Variants in LRRC4B observed in about 807,000 individuals in gnomAD.
LRRC4B encodes leucine-rich repeat-containing protein 4B.
Under a neutral mutation model 7.3 loss-of-function variants are expected in LRRC4B, and 1 was observed. That is an observed-to-expected ratio of 0.14 (90% CI 0.05 to 0.65). The LOEUF (loss-of-function observed/expected upper bound fraction) is 0.65. LRRC4B is among the 30% of genes least tolerant of loss of function. LRRC4B has a pLI of 0.84. For synonymous variants in LRRC4B, 500 were observed against 499.2 expected, an observed-to-expected ratio of 1.00 and a Z score of -0.02; for missense variants, 730 against 1,041.6, an observed-to-expected ratio of 0.70 and a Z score of 4.12.
chr19:50,519,053 C>A lies in LRRC4B; in HGVS notation c.660G>T (p.Lys220Asn). The A allele has an allele frequency of 6.2e-7, 1 of 1,609,850 alleles. No homozygotes were observed. The highest frequency in any genetic ancestry group is 8.5e-7 in the Non-Finnish European group (1 of 1,179,888). The change falls in exon 3 of 3, where the codon AAG (lysine) becomes AAT (asparagine). Residue 220 changes from lysine (K) to asparagine (N), a missense_variant. By Grantham distance (94) the Lys-to-Asn change is moderately conservative (BLOSUM62 0). Coordinates refer to ENST00000652263, the MANE Select transcript of LRRC4B (RefSeq NM_001080457.2). This position sits in a 1 kb window ranked among gnomAD's most constrained non-coding sequence, Gnocchi z 8.1. ...CCAGGGCCGTCAGGTTGGGGATGTC[C>A]TTGAGGTTGCACATGCCCAGGTTGA... ...RYLNLGMCNL[K>N]DIPNLTALVR...
In LRRC4B at chr19:50,555,503, G is replaced by T; in HGVS notation, c.-35-6630C>A. ...AGGGAGACAGACACAGGCATACAAAGGGGCATGAAAGGGGCAGGAGGACAG... is the reference window on the plus strand; with the variant it reads ...AGGGAGACAGACACAGGCATACAAATGGGCATGAAAGGGGCAGGAGGACAG... On this transcript the variant is annotated intron_variant, in intron 1 of 2. Coordinates refer to ENST00000652263, the MANE Select transcript of LRRC4B (RefSeq NM_001080457.2). The surrounding 1 kb of genome is among the most constrained non-coding windows in gnomAD (Gnocchi z 5.2). The T allele has an allele frequency of 6.5e-6, 1 of 153,148 alleles. No individual in the cohort carries two copies. The allele number at this position is 153,148 out of a possible 1,614,324, so 9.5% of individuals were successfully genotyped here.
At chr19:50,549,805 A>G (rs1981976133) in intron 1 of LRRC4B, among the ~76,000 whole-genome samples, 1 of 152,048 alleles carries the variant, frequency 6.6e-6, no homozygotes, top group Non-Finnish European at 1.5e-5. Flanking sequence ...CCAGGCAGAG[A>G]CAGCCCCGAT....
intron 2 of LRRC4B, among the ~76,000 whole-genome samples, chr19:50,523,219 A>G (rs148848766): frequency 6.6e-6 from 1 of 152,354 alleles, no homozygotes; most frequent in East Asian, 1.9e-4. Context: ...ATTGGATCAT[A>G]TCTGCAAAGC....
At chr19:50,523,834 C>T (rs980915623) in intron 2 of LRRC4B, among the ~76,000 whole-genome samples, 6 of 150,634 alleles carry the variant, frequency 4.0e-5, no homozygotes, top group Admixed American at 4.0e-4. Flanking sequence ...TGGCAGGTGC[C>T]TGTAATCCCA....
At chr19:50,521,975 AG>A (rs1017779959) in intron 2 of LRRC4B, among the ~76,000 whole-genome samples, 4 of 152,118 alleles carry the variant, frequency 2.6e-5, no homozygotes, top group Non-Finnish European at 5.9e-5. Context: ...CGGGAATTGA[AG>A]ACAATCCTGG....
At chr19:50,544,438 C>T (rs920689802) in intron 2 of LRRC4B, among the ~76,000 whole-genome samples, 2 of 151,042 alleles carry the variant, frequency 1.3e-5, no homozygotes, top group East Asian at 1.9e-4. Context: ...ACCCGGGAGG[C>T]GGAGCTTGCA....
rs568388324 is a variant in LRRC4B, at chr19:50,563,210, C to A, written c.-36+4734G>T. Reference sequence around the variant, plus strand: ...TGGGTCTCCAAGGCAGCCCCTCCACCTCTGCCTGCCATGACAACAGTTGCG... The same window carrying A: ...TGGGTCTCCAAGGCAGCCCCTCCACATCTGCCTGCCATGACAACAGTTGCG... On this transcript the variant is annotated intron_variant, in intron 1 of 2. Transcript: ENST00000652263. This position sits in a 1 kb window ranked among gnomAD's most constrained non-coding sequence, Gnocchi z 4.9. Among the ~76,000 whole-genome samples, 1 of 152,280 alleles carries A rather than the reference C, an allele frequency of 6.6e-6. No individual in the cohort carries two copies. The highest frequency in any genetic ancestry group is 2.4e-5 in the African/African-American group (1 of 41,552).
At chr19:50,559,582 G>C (rs892450600) in intron 1 of LRRC4B, among the ~76,000 whole-genome samples, 18 of 152,240 alleles carry the variant, frequency 1.2e-4, no homozygotes, top group Non-Finnish European at 2.9e-5. Context: ...AACAGTATTT[G>C]TTGCCAAGGC....
At chr19:50,528,809 G>A (rs1287818906) in intron 2 of LRRC4B, among the ~76,000 whole-genome samples, 3 of 152,220 alleles carry the variant, frequency 2.0e-5, no homozygotes, top group Non-Finnish European at 4.4e-5. Context: ...ACAGCCTGAG[G>A]ATGGGCTCGG....
At position 50,519,220 on chromosome 19, in the gene LRRC4B, G is replaced by T; in HGVS notation, c.493C>A (p.Leu165Met). The part of the protein sequence containing the change: ...EYLSKLRELW[L>M]RNNPIESIPS... Reference sequence around the variant, plus strand: ...ATGCTCTCGATGGGGTTGTTCCGCAGCCAGAGCTCCCGCAGCTTGGACAGG... The same window carrying T: ...ATGCTCTCGATGGGGTTGTTCCGCATCCAGAGCTCCCGCAGCTTGGACAGG... Residue 165 changes from leucine to methionine, a missense_variant, in exon 3 of 3, where the codon CTG (leucine) becomes ATG (methionine). By Grantham distance (15) the Leu-to-Met change is conservative (BLOSUM62 2). Coordinates refer to ENST00000652263, the MANE Select transcript of LRRC4B (RefSeq NM_001080457.2). This position sits in a 1 kb window ranked among gnomAD's most constrained non-coding sequence, Gnocchi z 8.1. The T allele has an allele frequency of 6.2e-7, 1 of 1,614,118 alleles. No homozygotes were observed. Among genetic ancestry groups the T allele is most frequent in the Non-Finnish European group, 8.5e-7 (1 of 1,180,044 alleles).
chr19:50,541,382 A>AG (rs901106047), intron 2 of LRRC4B, among the ~76,000 whole-genome samples: 2 of 147,814 alleles, frequency 1.4e-5, no homozygotes, highest in African/African-American at 2.5e-5. Flanking sequence ...AAAAAAAAAA[A>AG]AAGAAAAAGA....
In LRRC4B at chr19:50,558,224, CACAT is replaced by C. The variant is rs751979812; in HGVS notation, c.-35-9355_-35-9352del. ...ATACACACACACACACACACACACA[CACAT>C]ACACACACACATACATACATACACA... is the stretch of plus-strand genomic sequence containing the variant. On this transcript the variant is annotated intron_variant, in intron 1 of 2. Transcript: ENST00000652263. Among the ~76,000 whole-genome samples the C allele has an allele frequency of 7.8e-3, 1,153 of 147,842 alleles. 4 individuals are homozygous for C. Among genetic ancestry groups the C allele is most frequent in the East Asian group, 0.015 (75 of 5,102 alleles).
intron 2 of LRRC4B, among the ~76,000 whole-genome samples, chr19:50,541,237 T>C (rs993428789): frequency 2.0e-5 from 3 of 150,398 alleles, no homozygotes; most frequent in Non-Finnish European, 4.4e-5. Context: ...CAGTGGGGTG[T>C]GCCTGTAATC....
intron 1 of LRRC4B, among the ~76,000 whole-genome samples, chr19:50,551,286 A>G (rs1439285826): frequency 6.8e-6 from 1 of 146,112 alleles, no homozygotes; most frequent in Non-Finnish European, 1.5e-5. Context: ...CCAGTTCTCC[A>G]GGGCTTCCTG....
Position 50,518,648 on chromosome 19 carries a change from G to C in LRRC4B, c.1065C>G (p.Asp355Glu), listed in dbSNP as rs770495046. The C allele has an allele frequency of 6.2e-7, 1 of 1,612,988 alleles. No individual in the cohort carries two copies. ...GLKGRYIGEL[D>E]QSHFTCYAPV... Reference sequence around the variant, plus strand: ...GCGCATAGCAGGTGAAATGCGACTGGTCCAGCTCCCCAATGTAGCGCCCCT... The same window carrying C: ...GCGCATAGCAGGTGAAATGCGACTGCTCCAGCTCCCCAATGTAGCGCCCCT... Residue 355 changes from aspartate (D) to glutamate (E), a missense_variant, in exon 3 of 3, where the codon GAC (aspartate) becomes GAG (glutamate). Asp to Glu is a conservative substitution (Grantham distance 45, BLOSUM62 2). This residue lies in a region of LRRC4B where 226 missense variants were observed against 448.0 expected (regional missense o/e 0.50). Coordinates refer to ENST00000652263, the MANE Select transcript of LRRC4B (RefSeq NM_001080457.2).
rs1980416694 is a variant in LRRC4B at position 50,518,671 on chromosome 19, C to T, written c.1042G>A (p.Gly348Arg). ...ARCHAPAGLK[G>R]RYIGELDQSH... is the part of the protein sequence containing the mutation. The stretch of plus-strand genomic sequence containing the variant: ...TGGTCCAGCTCCCCAATGTAGCGCC[C>T]CTTGAGGCCGGCGGGCGCATGACAG... Residue 348 changes from glycine (G) to arginine (R), a missense_variant, in exon 3 of 3, where the codon GGG becomes AGG. This residue lies in a region of LRRC4B where 226 missense variants were observed against 448.0 expected (regional missense o/e 0.50). Coordinates refer to ENST00000652263, the MANE Select transcript of LRRC4B (RefSeq NM_001080457.2). 6.2e-7 allele frequency: 1 copy of T among 1,613,590 alleles called. No individual in the cohort carries two copies. Among genetic ancestry groups the T allele is most frequent in the Admixed American group, 1.7e-5 (1 of 59,982 alleles).
Position 50,548,467 on chromosome 19 carries a change from G to A in LRRC4B, c.297+75C>T. Reference sequence around the variant, plus strand: ...GGAAGCCCCGGTGTGGGGAGGCCCAGAAGGGATGGGCTACATCTGCATGCC... The same window carrying A: ...GGAAGCCCCGGTGTGGGGAGGCCCAAAAGGGATGGGCTACATCTGCATGCC... On this transcript the variant is annotated intron_variant, in intron 2 of 2. Transcript: ENST00000652263. This position sits in a 1 kb window ranked among gnomAD's most constrained non-coding sequence, Gnocchi z 6.8. 2 of 1,525,956 alleles carry A rather than the reference G, an allele frequency of 1.3e-6. No individual in the cohort carries two copies. Among genetic ancestry groups the A allele is most frequent in the Non-Finnish European group, 8.8e-7 (1 of 1,138,962 alleles). 94.5% of individuals were successfully genotyped at this position (1,525,956 alleles called of 1,614,324 possible).
In LRRC4B at chr19:50,519,170, C is replaced by T; in HGVS notation, c.543G>A (p.Val181=). 1 of 1,613,702 alleles carries T rather than the reference C, an allele frequency of 6.2e-7. No homozygotes were observed. The highest frequency in any genetic ancestry group is 8.5e-7 in the Non-Finnish European group (1 of 1,179,980). The change falls in exon 3 of 3, where the codon GTG becomes GTA. Residue 181 remains valine (V), a synonymous_variant. Transcript: ENST00000652263. The surrounding 1 kb of genome is among the most constrained non-coding windows in gnomAD (Gnocchi z 8.1). ...CCAGGTCCAGGCGCCGCAGCGAGGGCACGCGGTTGAAGGCGTAGGAGGGGA... is the reference window on the plus strand; with the variant it reads ...CCAGGTCCAGGCGCCGCAGCGAGGGTACGCGGTTGAAGGCGTAGGAGGGGA... ...ESIPSYAFNR[V]PSLRRLDLGE...
At chr19:50,546,292 G>A (rs1194386268) in intron 2 of LRRC4B, among the ~76,000 whole-genome samples, 7 of 151,934 alleles carry the variant, frequency 4.6e-5, no homozygotes, top group South Asian at 4.2e-4. Flanking sequence ...CCAACGTTGC[G>A]CCACTGCACT....
Sources: gnomAD v4.1 joint callset for allele counts (sites outside exome capture counted in the v4.1 genomes callset) on GRCh38, gnomAD v4.1.1 for gene constraint, gnomAD v4.1.1 regional missense constraint, Gnocchi (gnomAD v3.1) non-coding constraint, MANE v1.5 for transcripts, NCBI Gene and HGNC (gene_info 2026-07-23, HGNC 2026-07-21) for gene names.